The following CPSF2 variants were observed in gnomAD, a reference collection of about 807,000 sequenced individuals.
CPSF2 encodes cleavage and polyadenylation specific factor 2.
In CPSF2, 51 loss-of-function variants were observed where a neutral mutation model predicts 84.2. That is an observed-to-expected ratio of 0.61 (90% CI 0.48 to 0.77). The LOEUF (loss-of-function observed/expected upper bound fraction) is 0.77, where lower values mean the gene tolerates loss of function less well. Among genes scored for constraint, CPSF2 ranks in the 30% least tolerant of loss-of-function variants. CPSF2 has a pLI of 0.00. For missense variants in CPSF2, 641 were observed against 929.4 expected (o/e 0.69, Z 4.03); for synonymous variants, 286 against 311.9 (o/e 0.92, Z 0.87).
At chr14:92,137,006 T>C (rs976028103) in intron 6 of CPSF2, among the ~76,000 whole-genome samples, 2 of 148,848 alleles carry the variant, frequency 1.3e-5, no homozygotes, top group Admixed American at 6.8e-5. Context: ...GGTTCAAATG[T>C]CTGAAACAAC....
intron 12 of CPSF2, 88 bp downstream of exon 12, chr14:92,156,719 A>G: frequency 1.1e-6 from 1 of 897,368 alleles, no homozygotes; most frequent in Non-Finnish European, 1.6e-6. Flanking sequence ...GTCAAGCAAA[A>G]TTTCTGAATA....
At chr14:92,159,444 C>G (rs1025976632) in intron 14 of CPSF2, among the ~76,000 whole-genome samples, 162 bp downstream of exon 14, 1 of 152,088 alleles carries the variant, frequency 6.6e-6, no homozygotes, top group Non-Finnish European at 1.5e-5. Context: ...CAGTGACTCA[C>G]GCCTGTAATC....
chr14:92,161,761 A>C lies in CPSF2; in HGVS notation c.*17A>C. 10 of 1,372,306 alleles carry C rather than the reference A, an allele frequency of 7.3e-6. No homozygotes were observed. Among genetic ancestry groups the C allele is most frequent in the Non-Finnish European group, 9.1e-6 (9 of 992,194 alleles). The allele number at this position is 1,372,306 out of a possible 1,614,324, so 85.0% of individuals were successfully genotyped here. ...ATTGTATAAAGGACATGATGTCAAG[A>C]AGTATCTGCTTGACCTTTCTAAGAA... On this transcript the variant is annotated 3_prime_UTR_variant, in exon 16 of 16. Transcript: ENST00000298875.
At chr14:92,135,319 C>T in intron 5 of CPSF2, 48 bp from the exon 6 acceptor site, 1 of 1,526,632 alleles carries the variant, frequency 6.6e-7, no homozygotes, top group Non-Finnish European at 8.9e-7. Context: ...AATAACCTTT[C>T]TTTAGGGTTG....
chr14:92,154,796 C>G (rs2069267336), intron 10 of CPSF2, among the ~76,000 whole-genome samples: 1 of 152,132 alleles, frequency 6.6e-6, no homozygotes, highest in African/African-American at 2.4e-5. Context: ...ATGGTATAGC[C>G]TACTGTGTAT....
chr14:92,141,986 A>G (rs995560458), intron 7 of CPSF2, among the ~76,000 whole-genome samples, 178 bp from the exon 8 acceptor site: 5 of 152,252 alleles, frequency 3.3e-5, no homozygotes, highest in Admixed American at 1.3e-4. Flanking sequence ...GAGATATTCA[A>G]CAGAATCAAA....
chr14:92,169,999 T>G lies in CPSF2; in HGVS notation c.*8255T>G, dbSNP rs2069498235. The stretch of plus-strand genomic sequence containing the variant: ...TTAAAAATCAGAAAAATTGGCCAGG[T>G]GTGGTGGCTCATGCCTGTAGTCCCA... On this transcript the variant is annotated 3_prime_UTR_variant, in exon 16 of 16. Coordinates refer to ENST00000298875, the MANE Select transcript of CPSF2 (RefSeq NM_017437.3). The G allele has an allele frequency of 6.6e-6, 1 of 151,808 alleles. No homozygotes were observed. The highest frequency in any genetic ancestry group is 1.5e-5 in the Non-Finnish European group (1 of 67,982). The allele number at this position is 151,808 out of a possible 1,614,324, so 9.4% of individuals were successfully genotyped here.
intron 3 of CPSF2, 91 bp from the exon 4 acceptor site, chr14:92,133,920 C>A: frequency 7.3e-7 from 1 of 1,365,936 alleles, no homozygotes. Context: ...CCAGTGTAGT[C>A]TTCAATCCAG....
chr14:92,142,935 A>G, intron 8 of CPSF2, 69 bp from the exon 9 acceptor site: 1 of 1,306,438 alleles, frequency 7.7e-7, no homozygotes, highest in Non-Finnish European at 1.1e-6. Context: ...GAATTCCTTG[A>G]CTATTAGAGA....
chr14:92,148,797 G>GTA (rs138353183), intron 9 of CPSF2, among the ~76,000 whole-genome samples: 14,629 of 147,030 alleles, frequency 0.099, 776 homozygotes, highest in East Asian at 0.15. Flanking sequence ...AGAAAGAAAT[G>GTA]TATATATATA....
At position 92,166,844 on chromosome 14, in the gene CPSF2, A is replaced by G. The variant is rs1293365772; in HGVS notation, c.*5100A>G. On this transcript the variant is annotated 3_prime_UTR_variant, in exon 16 of 16. Coordinates refer to ENST00000298875, the MANE Select transcript of CPSF2 (RefSeq NM_017437.3). ...TTGAAATTATGTTTCATTGATCTATATATCTATGCTAGTACCACATGTCTT... is the reference window on the plus strand; with the variant it reads ...TTGAAATTATGTTTCATTGATCTATGTATCTATGCTAGTACCACATGTCTT... The G allele has an allele frequency of 6.6e-6, 1 of 152,052 alleles. No individual in the cohort carries two copies. The highest frequency in any genetic ancestry group is 2.4e-5 in the African/African-American group (1 of 41,400). The allele number at this position is 152,052 out of a possible 1,614,324, so 9.4% of individuals were successfully genotyped here. A position where few individuals can be genotyped will look rare whatever the true frequency, so the allele number is the denominator to read the frequency against.
At chr14:92,139,728 G>A (rs190366684) in intron 7 of CPSF2, among the ~76,000 whole-genome samples, 15 of 150,930 alleles carry the variant, frequency 9.9e-5, no homozygotes, top group Admixed American at 7.9e-4. Flanking sequence ...TAGTGGAGAT[G>A]GGGTTTCGCC....
chr14:92,131,899 A>G (rs1383274868), intron 3 of CPSF2, among the ~76,000 whole-genome samples: 1 of 152,184 alleles, frequency 6.6e-6, no homozygotes, highest in Admixed American at 6.5e-5. Context: ...TAATTTTGCA[A>G]GAAAAGAGGA....
chr14:92,150,179 C>T (rs34854601), intron 9 of CPSF2, among the ~76,000 whole-genome samples: 32,657 of 149,492 alleles, frequency 0.22, 3,967 homozygotes, highest in East Asian at 0.53. Flanking sequence ...CAGGCTGGAG[C>T]GCTCGGCTCA....
At chr14:92,125,884 A>G (rs1182970088) in intron 1 of CPSF2, among the ~76,000 whole-genome samples, 1 of 152,108 alleles carries the variant, frequency 6.6e-6, no homozygotes, top group African/African-American at 2.4e-5. Context: ...TCTCAATAAC[A>G]TAAGGTAATG....
intron 9 of CPSF2, among the ~76,000 whole-genome samples, chr14:92,152,116 ATTAT>A (rs960043184): frequency 8.7e-5 from 13 of 149,778 alleles, no homozygotes; most frequent in Non-Finnish European, 1.8e-4. Flanking sequence ...GGTTTTATTT[ATTAT>A]TTATTTATTA....
At chr14:92,153,858 A>G (rs969945218) in intron 9 of CPSF2, among the ~76,000 whole-genome samples, 1 of 126,084 alleles carries the variant, frequency 7.9e-6, no homozygotes, top group Non-Finnish European at 1.6e-5. Context: ...ACATGCCACC[A>G]CTCCTGGCTT....
intron 4 of CPSF2, 25 bp downstream of exon 4, chr14:92,134,195 T>C (rs1017174135): frequency 6.8e-6 from 11 of 1,612,268 alleles, no homozygotes; most frequent in Admixed American, 5.0e-5. Flanking sequence ...TAAAAAAATT[T>C]TGTTAGCACT....
intron 2 of CPSF2, among the ~76,000 whole-genome samples, chr14:92,129,560 A>G (rs1567016150): frequency 6.6e-6 from 1 of 152,064 alleles, no homozygotes; most frequent in Non-Finnish European, 1.5e-5. Context: ...CTTCTCTCCT[A>G]CTTGCATAGT....
Sources: gnomAD v4.1 joint callset for allele counts (sites outside exome capture counted in the v4.1 genomes callset) on GRCh38, gnomAD v4.1.1 for gene constraint, MANE v1.5 for transcripts, NCBI Gene and HGNC (gene_info 2026-07-23, HGNC 2026-07-21) for gene names.